CD36: variants seen among roughly 807,000 people sequenced by gnomAD.
CD36 encodes the protein platelet glycoprotein 4.
In CD36, 119 loss-of-function variants were observed where a neutral mutation model predicts 55.2. The ratio of observed to expected loss-of-function variants is 2.15; its 90% CI spans 1.86 to 2.51. The LOEUF is 2.51. Among genes scored for constraint, CD36 ranks in the 30% most tolerant of loss-of-function variants. The pLI is 0.00. For synonymous variants in CD36, 186 were observed against 193.6 expected (o/e 0.96, Z 0.33); for missense variants, 819 against 555.5 (o/e 1.47, Z -4.77).
rs771389320 is a variant in CD36 at position 80,674,090 on chromosome 7, G to T, written c.1362G>T (p.Val454=). 4.3e-6 allele frequency: 7 copies of T among 1,612,472 alleles called. No homozygotes were observed. The highest frequency in any genetic ancestry group is 5.9e-6 in the Non-Finnish European group (7 of 1,178,984). The part of the protein sequence containing the change: ...IEMILLSVGV[V]MFVAFMISYC... The stretch of plus-strand genomic sequence containing the variant: ...TGATCTTACTCAGTGTTGGTGTGGT[G>T]ATGTTTGTTGCTTTTATGATTTCAT... The change falls in exon 14 of 15, where the codon GTG becomes GTT. Residue 454 remains valine, a synonymous_variant. Coordinates refer to ENST00000447544, the MANE Select transcript of CD36 (RefSeq NM_001001548.3).
intron 1 of CD36, among the ~76,000 whole-genome samples, chr7:80,613,981 TTTA>T (rs1246709183): frequency 6.6e-6 from 1 of 152,138 alleles, no homozygotes; most frequent in Non-Finnish European, 1.5e-5. Context: ...CAGATAAACA[TTTA>T]TTATTTTTCT....
intron 4 of CD36, among the ~76,000 whole-genome samples, chr7:80,659,028 A>G (rs1231454951): frequency 6.6e-6 from 1 of 152,176 alleles, no homozygotes; most frequent in East Asian, 1.9e-4. Flanking sequence ...ATCCATAAAT[A>G]GCTCTTTCTG....
At position 80,674,036 on chromosome 7, in the gene CD36, A is replaced by C; in HGVS notation, c.1308A>C (p.Gly436=). The change falls in exon 14 of 15, where the codon GGA becomes GGC. Residue 436 remains glycine (G), a synonymous_variant. Transcript: ENST00000447544. The stretch of plus-strand genomic sequence containing the variant: ...ACATGTTCAGAAGTCAAGTAACTGG[A>C]AAAATAAACCTCCTTGGCCTGATAG... ...KANMFRSQVT[G]KINLLGLIEM... is the part of the protein sequence containing the mutation. 1 of 1,612,262 alleles carries C rather than the reference A, an allele frequency of 6.2e-7. No homozygotes were observed. The highest frequency in any genetic ancestry group is 8.5e-7 in the Non-Finnish European group (1 of 1,178,724).
chr7:80,643,778 A>G (rs1346766489), intron 1 of CD36, among the ~76,000 whole-genome samples: 1 of 152,134 alleles, frequency 6.6e-6, no homozygotes, highest in Non-Finnish European at 1.5e-5. Context: ...AGGTGTAGAG[A>G]GATTATGTGG....
At chr7:80,645,074 G>A (rs1436277808) in intron 1 of CD36, among the ~76,000 whole-genome samples, 5 of 149,726 alleles carry the variant, frequency 3.3e-5, no homozygotes, top group Admixed American at 1.3e-4. Flanking sequence ...AGGCTGGAGT[G>A]CAATGGCATG....
intron 1 of CD36, among the ~76,000 whole-genome samples, chr7:80,632,750 T>G (rs1004250167): frequency 2.0e-5 from 3 of 152,024 alleles, no homozygotes; most frequent in African/African-American, 7.2e-5. Context: ...CTAGAGCCAA[T>G]GCAAAGTTAA....
intron 4 of CD36, 56 bp downstream of exon 4, chr7:80,656,756 A>T: frequency 6.7e-7 from 1 of 1,492,814 alleles, no homozygotes; most frequent in Non-Finnish European, 9.3e-7. Context: ...TATTTCTGAG[A>T]AGTCTTCTAC....
chr7:80,625,363 G>C (rs1793685979), intron 1 of CD36, among the ~76,000 whole-genome samples: 1 of 152,084 alleles, frequency 6.6e-6, no homozygotes. Flanking sequence ...AACAAACTAT[G>C]CCTTAACTTT....
chr7:80,672,922 T>TGTAA lies in CD36; in HGVS notation c.1199+86_1199+89dup, dbSNP rs1200336624. 5.4e-5 allele frequency: 49 copies of TGTAA among 902,022 alleles called. No homozygotes were observed. In the East Asian group the frequency reaches 5.9e-4, roughly 11 times the overall value. The allele number at this position is 902,022 out of a possible 1,614,324, so 55.9% of individuals were successfully genotyped here. A position where few individuals can be genotyped will look rare whatever the true frequency, so the allele number is the denominator to read the frequency against. ...TCTTGTAAGAACATGAGTAAATCTA[T>TGTAA]GTAAGTAAGTGGAAATAACATCTGA... On this transcript the variant is annotated intron_variant, in intron 12 of 14. Coordinates refer to ENST00000447544, the MANE Select transcript of CD36 (RefSeq NM_001001548.3).
intron 8 of CD36, among the ~76,000 whole-genome samples, chr7:80,667,648 C>CATACTT (rs1562816812): frequency 4.5e-5 from 5 of 112,282 alleles, no homozygotes; most frequent in Admixed American, 2.7e-4. Flanking sequence ...ACTTCGTATG[C>CATACTT]GTACTTGATT....
chr7:80,606,829 G>C (rs1792576820), intron 1 of CD36, among the ~76,000 whole-genome samples: 1 of 152,132 alleles, frequency 6.6e-6, no homozygotes, highest in African/African-American at 2.4e-5. Flanking sequence ...GAAATTGGGG[G>C]ATGGTTACCA....
rs1426013534 is a variant in CD36, at chr7:80,678,193, ATGT to A, written c.*1815_*1817del. ...ACTTTGTTTTGCCCTGGCGAAGTTA[ATGT>A]TGTTCAGAAAGGGTAAATGTTTGGA... On this transcript the variant is annotated 3_prime_UTR_variant, in exon 15 of 15. Transcript: ENST00000447544. 1 of 151,944 alleles carries A rather than the reference ATGT, an allele frequency of 6.6e-6. No homozygotes were observed. Among genetic ancestry groups the A allele is most frequent in the East Asian group, 1.9e-4 (1 of 5,158 alleles). 9.4% of individuals were successfully genotyped at this position (151,944 alleles called of 1,614,324 possible). A position where few individuals can be genotyped will look rare whatever the true frequency, so the allele number is the denominator to read the frequency against.
At chr7:80,669,361 C>G (rs1362341233) in intron 8 of CD36, among the ~76,000 whole-genome samples, 1 of 152,008 alleles carries the variant, frequency 6.6e-6, no homozygotes, top group Non-Finnish European at 1.5e-5. Context: ...GATTTTGAGA[C>G]TTTAAGAATT....
At chr7:80,629,834 G>C (rs1359726252) in intron 1 of CD36, among the ~76,000 whole-genome samples, 1 of 150,678 alleles carries the variant, frequency 6.6e-6, no homozygotes, top group Non-Finnish European at 1.5e-5. Context: ...AATAAAAATT[G>C]CCTATTTTTA....
intron 1 of CD36, among the ~76,000 whole-genome samples, chr7:80,609,746 C>T (rs904033826): frequency 1.4e-4 from 22 of 152,150 alleles, no homozygotes; most frequent in Admixed American, 1.3e-3. Context: ...TAATTTCACA[C>T]GTAATCTGAA....
intron 1 of CD36, among the ~76,000 whole-genome samples, chr7:80,628,170 T>G (rs2116033126): frequency 6.6e-6 from 1 of 152,154 alleles, no homozygotes; most frequent in Middle Eastern, 3.4e-3. Context: ...TTTAAAAATC[T>G]ATGCTGTGAT....
intron 4 of CD36, among the ~76,000 whole-genome samples, chr7:80,660,048 T>C (rs1796401435): frequency 6.6e-6 from 1 of 152,130 alleles, no homozygotes; most frequent in Non-Finnish European, 1.5e-5. Context: ...TTTATTATAA[T>C]GGAATAAAAT....
intron 12 of CD36, 68 bp downstream of exon 12, chr7:80,672,911 G>A (rs1397894837): frequency 9.9e-7 from 1 of 1,013,510 alleles, no homozygotes; most frequent in Non-Finnish European, 1.5e-6. Flanking sequence ...GTAAGAACAT[G>A]AGTAAATCTA....
intron 1 of CD36, among the ~76,000 whole-genome samples, chr7:80,603,819 G>T (rs963247095): frequency 9.5e-5 from 14 of 146,638 alleles, no homozygotes; most frequent in African/African-American, 3.1e-4. Context: ...GATTGAAAAA[G>T]ACTGCTTAAG....
Sources: allele counts gnomAD v4.1 joint callset (sites outside exome capture counted in the v4.1 genomes callset), GRCh38; gene constraint gnomAD v4.1.1; transcripts MANE v1.5; gene names NCBI Gene and HGNC (gene_info 2026-07-23, HGNC 2026-07-21).